Variants in DRC7 observed in about 807,000 individuals in gnomAD.
DRC7 encodes coiled-coil domain containing 135.
Under a neutral mutation model 104.4 loss-of-function variants are expected in DRC7, and 80 were observed. The ratio of observed to expected loss-of-function variants is 0.77; its 90% CI spans 0.64 to 0.92. DRC7 has a LOEUF of 0.92. Among genes scored for constraint, DRC7 ranks in the 40% least tolerant of loss-of-function variants. The probability of loss-of-function intolerance (pLI) is 0.00; values close to 1 mark genes in which losing one functional copy is unlikely to be tolerated. For missense variants in DRC7, 1,034 were observed against 1,141.1 expected (o/e 0.91, Z 1.35); for synonymous variants, 405 against 447.3 (o/e 0.91, Z 1.19).
chr16:57,697,552 G>C (rs543778725), intron 2 of DRC7, among the ~76,000 whole-genome samples: 3 of 152,054 alleles, frequency 2.0e-5, no homozygotes, highest in East Asian at 1.9e-4. Flanking sequence ...CTGAGTGACA[G>C]AGCAAGACCC....
rs1178625020 is a variant in DRC7 at position 57,726,266 on chromosome 16, A to G, written c.1957A>G (p.Met653Val). The G allele has an allele frequency of 3.1e-6, 5 of 1,611,736 alleles. No homozygotes were observed. Among genetic ancestry groups the G allele is most frequent in the Middle Eastern group, 1.6e-4 (1 of 6,082 alleles). The change falls in exon 14 of 19, where the codon ATG becomes GTG. Residue 653 changes from methionine (M) to valine (V), a missense_variant. By Grantham distance (21) the Met-to-Val change is conservative (BLOSUM62 1). Transcript: ENST00000360716. ...KGNKIIMTPD[M>V]CISFEVEPME... Reference sequence around the variant, plus strand: ...CAACAAGATCATCATGACGCCCGACATGTGCATCAGCTTCGAGGTGGGCCT... The same window carrying G: ...CAACAAGATCATCATGACGCCCGACGTGTGCATCAGCTTCGAGGTGGGCCT...
At chr16:57,705,584 C>T (rs1337121070) in intron 7 of DRC7, among the ~76,000 whole-genome samples, 7 of 148,312 alleles carry the variant, frequency 4.7e-5, no homozygotes, top group South Asian at 4.4e-4. Flanking sequence ...TCCATCCATC[C>T]TCCCAACCAT....
intron 4 of DRC7, among the ~76,000 whole-genome samples, chr16:57,699,638 G>A (rs1044769803): frequency 6.6e-6 from 1 of 152,148 alleles, no homozygotes; most frequent in African/African-American, 2.4e-5. Context: ...GCTTCAGACT[G>A]TACTGGTCGC....
chr16:57,722,447 G>A (rs541504818), intron 10 of DRC7, among the ~76,000 whole-genome samples: 1 of 152,222 alleles, frequency 6.6e-6, no homozygotes, highest in East Asian at 1.9e-4. Context: ...CTGGCAATGT[G>A]AGAGTGTGGT....
intron 3 of DRC7, 57 bp from the exon 4 acceptor site, chr16:57,698,793 C>T (rs1464142018): frequency 1.3e-6 from 2 of 1,564,426 alleles, no homozygotes; most frequent in East Asian, 2.2e-5. Context: ...CTCAGTGGAA[C>T]CAGGGCTCCT....
At chr16:57,696,234 T>C (rs188872418) in intron 1 of DRC7, among the ~76,000 whole-genome samples, 1 of 152,258 alleles carries the variant, frequency 6.6e-6, no homozygotes, top group East Asian at 1.9e-4. Context: ...GTTTCTTATA[T>C]AAGGAAAGGC....
At chr16:57,709,623 C>T (rs1567877755) in intron 8 of DRC7, among the ~76,000 whole-genome samples, 1 of 151,954 alleles carries the variant, frequency 6.6e-6, no homozygotes, top group Admixed American at 6.6e-5. Flanking sequence ...GTAAATTAGA[C>T]TGATTGTGTT....
chr16:57,705,053 A>T lies in DRC7; in HGVS notation c.858+19A>T, dbSNP rs1233178772. On this transcript the variant is annotated intron_variant, in intron 7 of 18. Transcript: ENST00000360716. Reference sequence around the variant, plus strand: ...CCTCATGGTGGGTCCTCAGCCCTGAATCCCCTGGGCTCAGCTATCGAGAAA... The same window carrying T: ...CCTCATGGTGGGTCCTCAGCCCTGATTCCCCTGGGCTCAGCTATCGAGAAA... 1 of 1,608,884 alleles carries T rather than the reference A, an allele frequency of 6.2e-7. No individual in the cohort carries two copies. Among genetic ancestry groups the T allele is most frequent in the Non-Finnish European group, 8.5e-7 (1 of 1,178,644 alleles).
Position 57,707,882 on chromosome 16 carries a change from T to C in DRC7, c.1077+204T>C, listed in dbSNP as rs1181329528. On this transcript the variant is annotated intron_variant, in intron 8 of 18. Transcript: ENST00000360716. ...TACGATTATTGTCTCTCCTGATTTGTGTATCCTTCTAAAGTGTGGATTGTT... is the reference window on the plus strand; with the variant it reads ...TACGATTATTGTCTCTCCTGATTTGCGTATCCTTCTAAAGTGTGGATTGTT... 9.9e-6 allele frequency: 6 copies of C among 604,848 alleles called. No homozygotes were observed. In the South Asian group the frequency reaches 1.2e-4, roughly 12 times the overall value. 37.5% of individuals were successfully genotyped at this position (604,848 alleles called of 1,614,324 possible).
At position 57,698,050 on chromosome 16, in the gene DRC7, C is replaced by T. The variant is rs1434053138; in HGVS notation, c.101C>T (p.Pro34Leu). ...GCGAGGATGGAGAAAATGATGAGGC[C>T]AGTTGAGGTGCGGAAGGAGGAAATC... ...EWARMEKMMRPVEVRKEEITL... is the reference protein window; with the variant it reads ...EWARMEKMMRLVEVRKEEITL... Residue 34 changes from proline to leucine, a missense_variant, in exon 3 of 19, where the codon CCA becomes CTA. Transcript: ENST00000360716. 1.2e-6 allele frequency: 2 copies of T among 1,613,966 alleles called. No homozygotes were observed. The highest frequency in any genetic ancestry group is 1.3e-5 in the African/African-American group (1 of 74,908).
intron 11 of DRC7, 72 bp downstream of exon 11, chr16:57,722,913 T>A: frequency 6.2e-7 from 1 of 1,612,106 alleles, no homozygotes; most frequent in Non-Finnish European, 8.5e-7. Flanking sequence ...CTCTCTGGGG[T>A]CATTGCTGGC....
chr16:57,728,818 GTGGGTGGATGGATGGA>G (rs2049006425), intron 17 of DRC7, among the ~76,000 whole-genome samples: 1 of 134,756 alleles, frequency 7.4e-6, no homozygotes, highest in African/African-American at 2.7e-5. Flanking sequence ...GGGTGGGTGG[GTGGGTGGATGGATGGA>G]TGGATAGATG....
intron 5 of DRC7, among the ~76,000 whole-genome samples, chr16:57,700,658 A>AAG (rs1238605490): frequency 6.8e-6 from 1 of 147,684 alleles, no homozygotes; most frequent in Non-Finnish European, 1.5e-5. Context: ...AACTCTCTCA[A>AAG]AAAAAAAAAA....
At chr16:57,712,712 G>T (rs1267850447) in intron 8 of DRC7, among the ~76,000 whole-genome samples, 20 of 151,558 alleles carry the variant, frequency 1.3e-4, no homozygotes, top group Non-Finnish European at 2.5e-4. Flanking sequence ...TTGTTGCCCA[G>T]GCTGGAGTGC....
At chr16:57,710,693 C>T (rs1167845993) in intron 8 of DRC7, among the ~76,000 whole-genome samples, 1 of 152,160 alleles carries the variant, frequency 6.6e-6, no homozygotes, top group African/African-American at 2.4e-5. Flanking sequence ...AGAGTTTTTT[C>T]AGAAATAGAT....
chr16:57,696,751 A>AC (rs1178561624), intron 2 of DRC7, among the ~76,000 whole-genome samples, 157 bp downstream of exon 2: 2 of 150,168 alleles, frequency 1.3e-5, no homozygotes, highest in South Asian at 2.1e-4. Context: ...TGTTACCCCC[A>AC]CCCCCCACTC....
chr16:57,727,399 G>A lies in DRC7; in HGVS notation c.2186G>A (p.Arg729Gln), dbSNP rs200880531. Residue 729 changes from arginine (R) to glutamine (Q), a missense_variant, in exon 16 of 19, where the codon CGG (arginine) becomes CAG (glutamine). Coordinates refer to ENST00000360716, the MANE Select transcript of DRC7 (RefSeq NM_001289162.2). Reference sequence around the variant, plus strand: ...CGGAATGAGAAGAGCAAGGAATATCGGGAGGCCATGGTCAGTCCCAATCCC... The same window carrying A: ...CGGAATGAGAAGAGCAAGGAATATCAGGAGGCCATGGTCAGTCCCAATCCC... ...TKRNEKSKEY[R>Q]EAMERMMHEE... 68 of 1,612,284 alleles carry A rather than the reference G, an allele frequency of 4.2e-5. No individual in the cohort carries two copies. In the Middle Eastern group the frequency reaches 8.2e-4, roughly 19 times the overall value.
At position 57,724,728 on chromosome 16, in the gene DRC7, T is replaced by C; in HGVS notation, c.1651T>C (p.Tyr551His). The C allele has an allele frequency of 6.2e-7, 1 of 1,613,466 alleles. No individual in the cohort carries two copies. The highest frequency in any genetic ancestry group is 8.5e-7 in the Non-Finnish European group (1 of 1,179,938). Reference protein sequence around the residue: ...REETPRTMTEYYQGRPDFLSY... With the variant: ...REETPRTMTEHYQGRPDFLSY... ...GGAGACACCCAGGACAATGACAGAG[T>C]ACTATCAAGGACGCCCAGACTTCCT... The change falls in exon 13 of 19, where the codon TAC (tyrosine) becomes CAC (histidine). Residue 551 changes from tyrosine to histidine, a missense_variant. Physicochemically the swap from Tyr to His is moderately conservative, Grantham distance 83. Coordinates refer to ENST00000360716, the MANE Select transcript of DRC7 (RefSeq NM_001289162.2).
At chr16:57,729,107 TGG>T in intron 17 of DRC7, among the ~76,000 whole-genome samples, 3 of 145,626 alleles carry the variant, frequency 2.1e-5, no homozygotes, top group Non-Finnish European at 4.5e-5. Flanking sequence ...GATGAGTGGG[TGG>T]ATGGATGAGT....
Sources: allele counts gnomAD v4.1 joint callset (sites outside exome capture counted in the v4.1 genomes callset), GRCh38; gene constraint gnomAD v4.1.1; transcripts MANE v1.5; gene names NCBI Gene and HGNC (gene_info 2026-07-23, HGNC 2026-07-21).